Variants in PTPN9 observed in about 807,000 individuals in gnomAD.
PTPN9 encodes protein tyrosine phosphatase non-receptor type 9.
Under a neutral mutation model 69.8 loss-of-function variants are expected in PTPN9, and 26 were observed. The ratio of observed to expected loss-of-function variants is 0.37; its 90% confidence interval spans 0.27 to 0.52. The LOEUF (loss-of-function observed/expected upper bound fraction) is 0.52. Among genes scored for constraint, PTPN9 ranks in the 20% least tolerant of loss-of-function variants. The pLI, the probability that PTPN9 is intolerant of heterozygous loss-of-function variation, is 0.91. For synonymous variants in PTPN9, 274 were observed against 272.5 expected (o/e 1.01, Z -0.05); for missense variants, 549 against 740.3 (o/e 0.74, Z 3.00).
At chr15:75,520,089 A>C (rs75475020) in intron 4 of PTPN9, among the ~76,000 whole-genome samples, 1,669 of 152,238 alleles carry the variant, frequency 0.011, 35 homozygotes, top group African/African-American at 0.038. Flanking sequence ...TGATGATGCA[A>C]CTGCACTTCA....
rs1192001530 is a variant in PTPN9, at chr15:75,517,905, T to A, written c.423-541A>T. On this transcript the variant is annotated intron_variant, in intron 4 of 12. Coordinates refer to ENST00000618819, the MANE Select transcript of PTPN9 (RefSeq NM_002833.4). ...TAGCACAGCCCTTAAAAATAAATGG[T>A]CACTGAATTGTAATTCAGTAGACTG... Among the ~76,000 whole-genome samples, 25 of 152,202 alleles carry A rather than the reference T, an allele frequency of 1.6e-4. 1 individual carries two copies. The highest frequency in any genetic ancestry group is 1.6e-3 in the Admixed American group (25 of 15,270).
At chr15:75,505,133 G>T (rs1261361351) in intron 7 of PTPN9, among the ~76,000 whole-genome samples, 2 of 151,742 alleles carry the variant, frequency 1.3e-5, no homozygotes, top group Non-Finnish European at 2.9e-5. Flanking sequence ...TTCTGCCTTG[G>T]GATCCTGTTG....
intron 1 of PTPN9, among the ~76,000 whole-genome samples, chr15:75,530,737 T>TA (rs2074957811): frequency 3.0e-5 from 1 of 33,804 alleles, no homozygotes; most frequent in African/African-American, 2.5e-4. Flanking sequence ...ATATATATTA[T>TA]TATATAATAT....
chr15:75,477,342 C>T (rs1230340401), intron 9 of PTPN9, among the ~76,000 whole-genome samples: 1 of 152,148 alleles, frequency 6.6e-6, no homozygotes, highest in Non-Finnish European at 1.5e-5. Context: ...TGCTTGTAAT[C>T]CCAGCACTTT....
intron 1 of PTPN9, among the ~76,000 whole-genome samples, chr15:75,543,933 T>C (rs1460147880): frequency 1.3e-5 from 2 of 152,142 alleles, no homozygotes; most frequent in Non-Finnish European, 2.9e-5. Context: ...CACGAACTGC[T>C]AGCCTTAGAT....
At chr15:75,526,002 CT>C (rs1001242181) in intron 2 of PTPN9, among the ~76,000 whole-genome samples, 305 of 142,406 alleles carry the variant, frequency 2.1e-3, no homozygotes, top group Admixed American at 2.3e-3. Context: ...TTTTCTCTTT[CT>C]TTTTTTTTTT....
chr15:75,552,300 G>A (rs142832528), intron 1 of PTPN9, among the ~76,000 whole-genome samples: 349 of 152,048 alleles, frequency 2.3e-3, no homozygotes, highest in South Asian at 4.2e-3. Flanking sequence ...CCAGCTACTC[G>A]GGAGGCTGAG....
chr15:75,520,935 C>T (rs1247291817), intron 4 of PTPN9, among the ~76,000 whole-genome samples: 1 of 152,076 alleles, frequency 6.6e-6, no homozygotes, highest in African/African-American at 2.4e-5. Context: ...GGTGATCCTC[C>T]CAGGGCTCAG....
intron 5 of PTPN9, among the ~76,000 whole-genome samples, chr15:75,515,093 T>C (rs528158552): frequency 4.8e-4 from 73 of 151,886 alleles, no homozygotes; most frequent in Middle Eastern, 6.8e-3. Flanking sequence ...ACCAAAGGGG[T>C]AAAATTAGTA....
At chr15:75,551,104 T>A (rs745907783) in intron 1 of PTPN9, among the ~76,000 whole-genome samples, 16 of 152,176 alleles carry the variant, frequency 1.1e-4, no homozygotes, top group Admixed American at 3.9e-4. Context: ...TTAAGACTTT[T>A]AAAAAAATTT....
Position 75,466,501 on chromosome 15 carries a change from T to C in PTPN9, c.*2268A>G, listed in dbSNP as rs1435708086. On this transcript the variant is annotated 3_prime_UTR_variant, in exon 13 of 13. Coordinates refer to ENST00000618819, the MANE Select transcript of PTPN9 (RefSeq NM_002833.4). ...TAGATATGGAGTCTCCTGGGGAGAA[T>C]GATAACCCCTTTGGTACGCTGCAGA... The C allele has an allele frequency of 6.6e-6, 1 of 152,098 alleles. No individual in the cohort carries two copies. The allele number at this position is 152,098 out of a possible 1,614,324, so 9.4% of individuals were successfully genotyped here. A position where few individuals can be genotyped will look rare whatever the true frequency, so the allele number is the denominator to read the frequency against.
chr15:75,503,960 G>C (rs1451872118), intron 7 of PTPN9, among the ~76,000 whole-genome samples: 148 of 113,966 alleles, frequency 1.3e-3, no homozygotes, highest in African/African-American at 4.8e-3. Flanking sequence ...GGGCGCCTCT[G>C]CCCAGCCGCC....
At chr15:75,530,521 AATTTATT>A (rs2141324185) in intron 1 of PTPN9, among the ~76,000 whole-genome samples, 2 of 77,928 alleles carry the variant, frequency 2.6e-5, no homozygotes, top group African/African-American at 1.2e-4. Context: ...ATTATAATAT[AATTTATT>A]ATATAATATT....
intron 7 of PTPN9, among the ~76,000 whole-genome samples, chr15:75,491,110 A>G (rs2074708508): frequency 6.6e-6 from 1 of 151,978 alleles, no homozygotes; most frequent in African/African-American, 2.4e-5. Context: ...CCCTGACTTA[A>G]AAAAAAGAGA....
chr15:75,486,512 C>T (rs2074678390), intron 8 of PTPN9, among the ~76,000 whole-genome samples: 1 of 152,146 alleles, frequency 6.6e-6, no homozygotes, highest in African/African-American at 2.4e-5. Context: ...CCAGACTCCA[C>T]AATAGTGAGA....
intron 8 of PTPN9, among the ~76,000 whole-genome samples, chr15:75,488,851 G>T (rs2074693538): frequency 6.6e-6 from 1 of 151,350 alleles, no homozygotes; most frequent in Admixed American, 6.6e-5. Context: ...ATATTATAGG[G>T]GATGCATAAG....
intron 7 of PTPN9, among the ~76,000 whole-genome samples, chr15:75,504,849 G>T (rs1418101788): frequency 6.0e-5 from 4 of 67,014 alleles, no homozygotes; most frequent in African/African-American, 1.1e-4. Context: ...GAGGGAGGTG[G>T]GGGGGTCTGG....
rs1363602735 is a variant in PTPN9, at chr15:75,486,714, C to T, written c.1062+3494G>A. Among the ~76,000 whole-genome samples the T allele has an allele frequency of 2.0e-5, 3 of 150,690 alleles. No individual in the cohort carries two copies. In the East Asian group the frequency reaches 5.8e-4, roughly 29 times the overall value. On this transcript the variant is annotated intron_variant, in intron 8 of 12. Coordinates refer to ENST00000618819, the MANE Select transcript of PTPN9 (RefSeq NM_002833.4). ...CAAGGTATTGTATACTTGAAAATTG[C>T]GGACAGCATATTTTAAGTGTTTTCA...
Position 75,517,373 on chromosome 15 carries a change from C to T in PTPN9, c.423-9G>A. ...TCCTCTGAGTTTCAAAGCTGTAAAT[C>T]AACCATTGAACAAAAACATTTGTAA... On this transcript the variant is annotated splice_polypyrimidine_tract_variant and intron_variant, in intron 4 of 12. Transcript: ENST00000618819. The T allele has an allele frequency of 6.2e-7, 1 of 1,604,532 alleles. No individual in the cohort carries two copies. Among genetic ancestry groups the T allele is most frequent in the Non-Finnish European group, 8.5e-7 (1 of 1,172,968 alleles).
Sources: allele counts gnomAD v4.1 joint callset (sites outside exome capture counted in the v4.1 genomes callset), GRCh38; gene constraint gnomAD v4.1.1; transcripts MANE v1.5; gene names NCBI Gene and HGNC (gene_info 2026-07-23, HGNC 2026-07-21).